The following RUNX1T1 variants were observed in gnomAD, a reference collection of about 807,000 sequenced individuals.
RUNX1T1 encodes protein CBFA2T1.
In RUNX1T1, 4 loss-of-function variants were observed where a neutral mutation model predicts 62.8. The ratio of observed to expected loss-of-function variants is 0.06; its 90% CI spans 0.03 to 0.15. RUNX1T1 has a LOEUF of 0.15. RUNX1T1 is among the 10% of genes least tolerant of loss of function. The probability of loss-of-function intolerance (pLI) is 1.00; values close to 1 mark genes in which losing one functional copy is unlikely to be tolerated. For synonymous variants in RUNX1T1, 291 were observed against 286.0 expected (o/e 1.02, Z -0.18); for missense variants, 508 against 754.3 (o/e 0.67, Z 3.82).
At chr8:92,071,859 A>G (rs1415011484) in intron 2 of RUNX1T1, among the ~76,000 whole-genome samples, 1 of 152,196 alleles carries the variant, frequency 6.6e-6, no homozygotes, top group Non-Finnish European at 1.5e-5. Flanking sequence ...CGGAGCATCA[A>G]CAGAACATTC....
chr8:91,959,447 T>TATATATGTGC (rs1342946888), exon 11 of RUNX1T1: 61 of 110,044 alleles, frequency 5.5e-4, no homozygotes, highest in East Asian at 1.1e-3. Context: ...TGTGTGTGTG[T>TATATATGTGC]GTGTGTGTGT....
intron 2 of RUNX1T1, among the ~76,000 whole-genome samples, chr8:92,073,886 T>TG (rs1048848941): frequency 3.9e-5 from 6 of 152,038 alleles, no homozygotes; most frequent in African/African-American, 4.8e-5. Context: ...TTTGTAGAGA[T>TG]GGGGTCTCAC....
intron 1 of RUNX1T1, among the ~76,000 whole-genome samples, chr8:92,090,784 A>G (rs2130898629): frequency 6.6e-6 from 1 of 152,324 alleles, no homozygotes; most frequent in East Asian, 1.9e-4. Flanking sequence ...AAGAAACCTC[A>G]ATTTTCTAAA....
intron 1 of RUNX1T1, among the ~76,000 whole-genome samples, chr8:92,035,263 C>T (rs1827193952): frequency 6.6e-6 from 1 of 150,744 alleles, no homozygotes; most frequent in African/African-American, 2.4e-5. Flanking sequence ...CCATTGCCCT[C>T]CCGTCTGAGC....
chr8:91,959,682 C>T (rs983748452), exon 11 of RUNX1T1: 1 of 228,192 alleles, frequency 4.4e-6, no homozygotes, highest in Non-Finnish European at 8.7e-6. Context: ...TGCACATCTG[C>T]GCGTTTTGTA....
At chr8:92,047,237 C>T (rs1182467536) in intron 1 of RUNX1T1, among the ~76,000 whole-genome samples, 1 of 152,168 alleles carries the variant, frequency 6.6e-6, no homozygotes, top group Non-Finnish European at 1.5e-5. Context: ...CCACACCACA[C>T]TCTACCCTCT....
At chr8:91,960,622 A>G (rs552054391) in intron 10 of RUNX1T1, 105 bp from the exon 12 acceptor site, 3 of 1,231,624 alleles carry the variant, frequency 2.4e-6, no homozygotes, top group Non-Finnish European at 3.4e-6. Flanking sequence ...TTCAAGAACT[A>G]TACAGTCAGG....
At chr8:91,991,931 A>C (rs756226157) in intron 5 of RUNX1T1, 42 bp from the exon 7 acceptor site, 1 of 1,607,002 alleles carries the variant, frequency 6.2e-7, no homozygotes, top group African/African-American at 1.3e-5. Context: ...TCATCTATTC[A>C]GAAACCAGCA....
At chr8:91,981,252 C>T (rs1838180) in intron 8 of RUNX1T1, among the ~76,000 whole-genome samples, 4,157 of 151,978 alleles carry the variant, frequency 0.027, 168 homozygotes, top group African/African-American at 0.09. Context: ...CTAGATTTCC[C>T]GGGGATTTAG....
chr8:92,102,041 C>T (rs1049353024), upstream of RUNX1T1, among the ~76,000 whole-genome samples: 7 of 152,224 alleles, frequency 4.6e-5, no homozygotes, highest in Non-Finnish European at 1.0e-4. This position sits in a 1 kb window ranked among gnomAD's most constrained non-coding sequence, Gnocchi z 4.5. Flanking sequence ...CAAGGTTGTG[C>T]TCCCCACTCA....
At chr8:92,098,157 G>A (rs779658859) in intron 1 of RUNX1T1, among the ~76,000 whole-genome samples, 34 of 152,190 alleles carry the variant, frequency 2.2e-4, no homozygotes, top group Non-Finnish European at 4.3e-4. Flanking sequence ...GTGCTATAAT[G>A]TGAGAATTCC....
intron 5 of RUNX1T1, chr8:92,004,872 A>T (rs554660989): frequency 2.6e-6 from 1 of 387,742 alleles, no homozygotes; most frequent in Non-Finnish European, 4.6e-6. Context: ...CGTCTTCACC[A>T]TTTCGCTTTA....
chr8:91,971,136 T>C (rs1812743485), intron 9 of RUNX1T1: 1 of 312,570 alleles, frequency 3.2e-6, no homozygotes, highest in Non-Finnish European at 5.8e-6. Flanking sequence ...AGCAGATCTT[T>C]TGACATACAT....
upstream of RUNX1T1, chr8:92,099,755 A>G: frequency 2.0e-6 from 1 of 512,702 alleles, no homozygotes; most frequent in Non-Finnish European, 2.5e-6. Context: ...AGAAGTGAGA[A>G]ACAGGATTTG....
intron 5 of RUNX1T1, among the ~76,000 whole-genome samples, chr8:91,992,097 C>T (rs1221347854): frequency 6.6e-6 from 1 of 152,152 alleles, no homozygotes; most frequent in Non-Finnish European, 1.5e-5. Flanking sequence ...GGAAAAAATC[C>T]TTCACTTCTC....
At chr8:92,065,488 G>T (rs183057252), upstream of RUNX1T1, among the ~76,000 whole-genome samples, 239 of 152,272 alleles carry the variant, frequency 1.6e-3, 3 homozygotes, top group Admixed American at 0.014. Flanking sequence ...CAATTTTTTA[G>T]AGAGAGTCAT....
At chr8:91,990,551 A>G (rs1379094817) in intron 6 of RUNX1T1, among the ~76,000 whole-genome samples, 1 of 152,136 alleles carries the variant, frequency 6.6e-6, no homozygotes, top group Non-Finnish European at 1.5e-5. Flanking sequence ...ACCACTGATC[A>G]TATGTTTAAA....
chr8:92,038,400 C>T (rs116501898), intron 1 of RUNX1T1, among the ~76,000 whole-genome samples: 2,168 of 151,824 alleles, frequency 0.014, 56 homozygotes, highest in African/African-American at 0.049. Flanking sequence ...TGGTTATAAA[C>T]CCAGTAAGAA....
At chr8:92,099,735 T>C (rs1837954151), upstream of RUNX1T1, 1 of 678,746 alleles carries the variant, frequency 1.5e-6, no homozygotes, top group African/African-American at 1.9e-5. Context: ...TCAGCTGATG[T>C]TCATATCAAA....
Sources: allele counts gnomAD v4.1 joint callset (sites outside exome capture counted in the v4.1 genomes callset), GRCh38; gene constraint gnomAD v4.1.1; non-coding constraint Gnocchi (gnomAD v3.1); transcripts MANE v1.5; gene names NCBI Gene and HGNC (gene_info 2026-07-23, HGNC 2026-07-21).